Variants in C10orf143 observed in about 807,000 individuals in gnomAD.
C10orf143 encodes chromosome 10 open reading frame 143, also known as uncharacterized protein C10orf143.
At chr10:130,036,061 C>T (rs1860541712) in intron 3 of C10orf143, 1 of 152,242 alleles carries the variant, frequency 6.6e-6, no homozygotes, top group Non-Finnish European at 1.5e-5. Flanking sequence ...CTTAGGACCC[C>T]ATCTAACCCT....
intron 1 of C10orf143, among the ~76,000 whole-genome samples, chr10:130,098,207 C>A (rs1359876370): frequency 6.6e-6 from 1 of 152,032 alleles, no homozygotes; most frequent in Admixed American, 6.6e-5. Flanking sequence ...CCTGTAATCC[C>A]AGCTACTCTG....
chr10:130,061,335 T>C (rs1819875452), downstream of C10orf143, among the ~76,000 whole-genome samples: 1 of 152,366 alleles, frequency 6.6e-6, no homozygotes, highest in Non-Finnish European at 1.5e-5. Context: ...ATTTCAAGTA[T>C]ACTTTTTGTT....
intron 1 of C10orf143, among the ~76,000 whole-genome samples, chr10:130,099,869 T>TCC (rs1861520371): frequency 6.7e-5 from 1 of 14,832 alleles, no homozygotes; most frequent in Non-Finnish European, 1.2e-4. Context: ...AGATGGACTC[T>TCC]CACTGTCACC....
At chr10:130,076,837 G>A (rs765059552) in intron 3 of C10orf143, among the ~76,000 whole-genome samples, 8 of 152,128 alleles carry the variant, frequency 5.3e-5, no homozygotes. Context: ...GTCCAGCATG[G>A]GAGCCATTGG....
intron 3 of C10orf143, among the ~76,000 whole-genome samples, chr10:130,049,119 C>G (rs529944275): frequency 1.3e-5 from 2 of 152,330 alleles, no homozygotes; most frequent in Non-Finnish European, 2.9e-5. Context: ...CCCTGAGAGA[C>G]AAGCCCCAGC....
intron 3 of C10orf143, among the ~76,000 whole-genome samples, chr10:130,037,353 C>A (rs1483643016): frequency 6.6e-6 from 1 of 152,220 alleles, no homozygotes; most frequent in Non-Finnish European, 1.5e-5. Flanking sequence ...TGCCGGCAGC[C>A]CACTTGCATC....
Position 130,101,874 on chromosome 10 carries a change from A to AC in C10orf143, c.69+8829_69+8830insG, listed in dbSNP as rs1456163504. 5.1e-3 allele frequency among the ~76,000 whole-genome samples: 717 copies of AC among 141,380 alleles called. 26 individuals are homozygous for AC. Among genetic ancestry groups the AC allele is most frequent in the African/African-American group, 0.018 (665 of 37,250 alleles). The allele number at this position is 141,380 out of a possible 152,430, so 92.8% of individuals were successfully genotyped here. ...CAAAAAAAAAAAAAACCAAAAAAAA[A>AC]AAAAAAAAAAACTTTTTCAGAATAT... On this transcript the variant is annotated intron_variant, in intron 1 of 3. Transcript: ENST00000637128.
chr10:130,049,774 A>G (rs1860716257), intron 3 of C10orf143, among the ~76,000 whole-genome samples: 1 of 152,226 alleles, frequency 6.6e-6, no homozygotes, highest in Non-Finnish European at 1.5e-5. Flanking sequence ...CACCGGCAGG[A>G]CTGAGTCTGG....
rs372423380 is a variant in C10orf143 at position 130,106,898 on chromosome 10, G to GT, written c.69+3805dup. 10 of 1,041,276 alleles carry GT rather than the reference G, an allele frequency of 9.6e-6. No homozygotes were observed. In the African/African-American group the frequency reaches 1.5e-4, roughly 16 times the overall value. The allele number at this position is 1,041,276 out of a possible 1,614,324, so 64.5% of individuals were successfully genotyped here. ...TTGGGCTGCTAGGCTTAGAGAAGAC[G>GT]TAACGGATGATGATAACTTAGAAGT... On this transcript the variant is annotated intron_variant, in intron 1 of 3. Transcript: ENST00000637128.
At chr10:130,093,277 A>G (rs917356841) in intron 1 of C10orf143, among the ~76,000 whole-genome samples, 7 of 152,264 alleles carry the variant, frequency 4.6e-5, no homozygotes, top group African/African-American at 1.7e-4. Context: ...AAACCGCACA[A>G]CTACATGGAA....
chr10:130,104,323 T>C (rs1243817067), intron 1 of C10orf143: 3 of 152,256 alleles, frequency 2.0e-5, no homozygotes, highest in African/African-American at 7.2e-5. Context: ...TGCACAGTGA[T>C]AAGACACTCG....
chr10:130,058,119 G>A (rs1860815265), intron 3 of C10orf143, among the ~76,000 whole-genome samples: 1 of 152,200 alleles, frequency 6.6e-6, no homozygotes, highest in Admixed American at 6.5e-5. Flanking sequence ...TCCTGAGCAT[G>A]GTCTGTGGCA....
chr10:130,104,036 C>G (rs1448947527), intron 1 of C10orf143: 1 of 152,152 alleles, frequency 6.6e-6, no homozygotes, highest in Admixed American at 6.5e-5. Context: ...AACTTTCAAT[C>G]TGAAACACAT....
chr10:130,037,619 C>T (rs914282505), intron 3 of C10orf143, among the ~76,000 whole-genome samples: 3 of 152,212 alleles, frequency 2.0e-5, no homozygotes, highest in East Asian at 1.9e-4. Flanking sequence ...TGTAGCTCAG[C>T]GCCACTGAGG....
chr10:130,052,104 C>T (rs1269550535), intron 3 of C10orf143, among the ~76,000 whole-genome samples: 1 of 108,312 alleles, frequency 9.2e-6, no homozygotes, highest in Admixed American at 9.8e-5. Context: ...CTCCCTCTCT[C>T]GCCCCCACCT....
intron 3 of C10orf143, among the ~76,000 whole-genome samples, chr10:130,055,299 A>G (rs1860782791): frequency 6.6e-6 from 1 of 152,248 alleles, no homozygotes; most frequent in Non-Finnish European, 1.5e-5. Context: ...CAAAGGAAGC[A>G]ATCAAGAGTG....
In C10orf143 at chr10:130,065,781, G is replaced by A. The variant is rs1015956062; in HGVS notation, c.298-1398C>T. 2 of 152,200 alleles carry A rather than the reference G, an allele frequency of 1.3e-5. No individual in the cohort carries two copies. Among genetic ancestry groups the A allele is most frequent in the African/African-American group, 4.8e-5 (2 of 41,418 alleles). The allele number at this position is 152,200 out of a possible 1,614,324, so 9.4% of individuals were successfully genotyped here. On this transcript the variant is annotated intron_variant, in intron 3 of 3. Transcript: ENST00000637128. The surrounding 1 kb of genome is among the most constrained non-coding windows in gnomAD (Gnocchi z 4.2). ...TATGTAGCATTTCCTGAACTTCTCT[G>A]GACAAGAACCTGTTCTGTTGGGAGA...
rs11374857 is a variant in C10orf143 at position 130,075,987 on chromosome 10, G to GTTT, written c.297+3576_297+3578dup. On this transcript the variant is annotated intron_variant, in intron 3 of 3. Transcript: ENST00000637128. ...GTATGTGTGTGTTTTTTGTTTGTTT[G>GTTT]TTTGTTTTTTTTTTTGGAAATGATG... 1.7e-3 allele frequency among the ~76,000 whole-genome samples: 231 copies of GTTT among 133,146 alleles called. 19 individuals carry two copies. The highest frequency in any genetic ancestry group is 8.8e-3 in the East Asian group (40 of 4,524). 87.3% of individuals were successfully genotyped at this position (133,146 alleles called of 152,430 possible). A position where few individuals can be genotyped will look rare whatever the true frequency, so the allele number is the denominator to read the frequency against.
intron 1 of C10orf143, among the ~76,000 whole-genome samples, chr10:130,096,924 A>C (rs1861471747): frequency 6.6e-6 from 1 of 150,442 alleles, no homozygotes; most frequent in South Asian, 2.1e-4. Context: ...TATATGATAC[A>C]AGTATCCAGA....
Sources: gnomAD v4.1 joint callset for allele counts (sites outside exome capture counted in the v4.1 genomes callset) on GRCh38, gnomAD v4.1.1 for gene constraint, Gnocchi (gnomAD v3.1) non-coding constraint, MANE v1.5 for transcripts, NCBI Gene and HGNC (gene_info 2026-07-23, HGNC 2026-07-21) for gene names.